The following CDH18 variants were observed in gnomAD, a reference collection of about 807,000 sequenced individuals.
The protein encoded by CDH18 is cadherin-18.
In CDH18, 31 loss-of-function variants were observed where a neutral mutation model predicts 67.9. The observed-to-expected ratio is 0.46, with a 90% CI of 0.34 to 0.62. The LOEUF (loss-of-function observed/expected upper bound fraction) is 0.62, where lower values mean the gene tolerates loss of function less well. Ranked by LOEUF, CDH18 falls within the 20% of genes least tolerant of loss-of-function variation. CDH18 has a pLI of 0.01. For missense variants in CDH18, 890 were observed against 975.5 expected (o/e 0.91, Z 1.17); for synonymous variants, 362 against 347.2 (o/e 1.04, Z -0.48).
chr5:20,045,574 A>AAC (rs202185810), intron 2 of CDH18, among the ~76,000 whole-genome samples: 11 of 148,490 alleles, frequency 7.4e-5, no homozygotes, highest in South Asian at 4.2e-4. Flanking sequence ...AAAAATAGAA[A>AAC]ACACATATAT....
intron 5 of CDH18, among the ~76,000 whole-genome samples, chr5:19,719,597 G>T (rs1363121689): frequency 6.6e-6 from 1 of 151,594 alleles, no homozygotes; most frequent in Non-Finnish European, 1.5e-5. Flanking sequence ...TAGATTACTA[G>T]ATTAATAAGC....
At chr5:20,373,167 T>G (rs1257670839) in intron 1 of CDH18, among the ~76,000 whole-genome samples, 1 of 152,222 alleles carries the variant, frequency 6.6e-6, no homozygotes, top group East Asian at 1.9e-4. Flanking sequence ...ATCTCTCCGA[T>G]GCCTAAAACA....
At chr5:19,512,617 G>T (rs1244189817) in intron 10 of CDH18, among the ~76,000 whole-genome samples, 1 of 151,986 alleles carries the variant, frequency 6.6e-6, no homozygotes, top group Admixed American at 6.6e-5. Context: ...TGTTTATATT[G>T]ACCTGATATT....
chr5:20,289,245 C>T (rs1746924708), intron 1 of CDH18, among the ~76,000 whole-genome samples: 1 of 151,912 alleles, frequency 6.6e-6, no homozygotes, highest in Admixed American at 6.6e-5. Flanking sequence ...TCAAAACATC[C>T]TTATTTCTGC....
chr5:19,744,516 ACAC>A (rs1233989006), intron 4 of CDH18, among the ~76,000 whole-genome samples: 3 of 151,598 alleles, frequency 2.0e-5, no homozygotes, highest in African/African-American at 7.3e-5. Flanking sequence ...ACACACACAC[ACAC>A]ACACACACAC....
rs116471739 is a variant in CDH18 at position 19,654,754 on chromosome 5, C to T, written c.644-42153G>A. Among the ~76,000 whole-genome samples, 769 of 152,170 alleles carry T rather than the reference C, an allele frequency of 5.1e-3. 3 individuals are homozygous for T. Among genetic ancestry groups the T allele is most frequent in the African/African-American group, 0.018 (736 of 41,510 alleles). ...CAGACAAACTGAAGGATGGTAAAGG[C>T]GGGGGATTTTATTCCCGGAGGGAGG... On this transcript the variant is annotated intron_variant, in intron 5 of 12. Transcript: ENST00000382275.
At chr5:19,646,730 T>C (rs1358393774) in intron 5 of CDH18, among the ~76,000 whole-genome samples, 1 of 152,206 alleles carries the variant, frequency 6.6e-6, no homozygotes, top group African/African-American at 2.4e-5. Flanking sequence ...TGAAAAATAC[T>C]GAAGTTTTCT....
chr5:20,377,607 G>C (rs1301982855), intron 1 of CDH18, among the ~76,000 whole-genome samples: 1 of 152,146 alleles, frequency 6.6e-6, no homozygotes, highest in East Asian at 1.9e-4. Context: ...GTTGAACACA[G>C]AGTAATTTTT....
At chr5:19,894,614 T>C (rs572241996) in intron 2 of CDH18, among the ~76,000 whole-genome samples, 6 of 152,260 alleles carry the variant, frequency 3.9e-5, no homozygotes, top group Non-Finnish European at 8.8e-5. Context: ...TCTATTATTA[T>C]AGAAAATTAA....
chr5:19,694,189 A>G (rs991889422), intron 5 of CDH18, among the ~76,000 whole-genome samples: 1 of 152,150 alleles, frequency 6.6e-6, no homozygotes, highest in African/African-American at 2.4e-5. Flanking sequence ...ATTTTTTTAT[A>G]TATGTATAAA....
intron 8 of CDH18, among the ~76,000 whole-genome samples, chr5:19,555,696 C>A (rs1451528114): frequency 6.6e-6 from 1 of 152,142 alleles, no homozygotes; most frequent in Non-Finnish European, 1.5e-5. Context: ...CCCTGGTAGC[C>A]CAGGACAAAG....
chr5:20,435,373 A>T (rs1187960387), intron 1 of CDH18, among the ~76,000 whole-genome samples: 3 of 152,064 alleles, frequency 2.0e-5, no homozygotes, highest in Non-Finnish European at 4.4e-5. Flanking sequence ...CTGCATGAAC[A>T]AAAGAGCTAA....
At chr5:20,214,612 A>G (rs1187553637) in intron 2 of CDH18, among the ~76,000 whole-genome samples, 2 of 152,078 alleles carry the variant, frequency 1.3e-5, no homozygotes, top group Non-Finnish European at 2.9e-5. Flanking sequence ...TAGTCAATAA[A>G]TGGTGCTAGG....
At chr5:20,083,277 A>G (rs995804436) in intron 2 of CDH18, among the ~76,000 whole-genome samples, 1 of 152,176 alleles carries the variant, frequency 6.6e-6, no homozygotes, top group Non-Finnish European at 1.5e-5. Context: ...AGTCAAGTGA[A>G]CTTAACTTGC....
intron 1 of CDH18, among the ~76,000 whole-genome samples, chr5:20,370,728 G>A (rs1258141740): frequency 6.6e-6 from 1 of 152,122 alleles, no homozygotes; most frequent in African/African-American, 2.4e-5. Flanking sequence ...TATGAGAGAA[G>A]AAAGTGTTAC....
chr5:20,286,764 G>A (rs1746725045), intron 1 of CDH18, among the ~76,000 whole-genome samples: 1 of 151,612 alleles, frequency 6.6e-6, no homozygotes, highest in African/African-American at 2.4e-5. Context: ...CTTCATCTAT[G>A]GTGACTAAGT....
chr5:19,833,958 A>T (rs2150004220), intron 3 of CDH18, among the ~76,000 whole-genome samples: 1 of 152,186 alleles, frequency 6.6e-6, no homozygotes, highest in East Asian at 1.9e-4. Flanking sequence ...GATGTTCATC[A>T]GGGATATCGG....
intron 1 of CDH18, among the ~76,000 whole-genome samples, chr5:20,544,751 C>T (rs1757248220): frequency 6.6e-6 from 1 of 152,172 alleles, no homozygotes; most frequent in Non-Finnish European, 1.5e-5. Context: ...GGTGGGGACA[C>T]AGAGGCAAAC....
In CDH18 at chr5:20,470,696, C is replaced by T. The variant is rs146024281; in HGVS notation, c.-580+104766G>A. On this transcript the variant is annotated intron_variant, in intron 1 of 14. Transcript: ENST00000507958. ...CAGGGCTTCCGTCTCTATGCAATAG[C>T]ATTGTGGAAGGAAAAGTCTCTCCTC... 2.2e-3 allele frequency among the ~76,000 whole-genome samples: 338 copies of T among 152,272 alleles called. 2 individuals carry two copies. Among genetic ancestry groups the T allele is most frequent in the African/African-American group, 8.0e-3 (332 of 41,560 alleles).
Sources: gnomAD v4.1 joint callset for allele counts (sites outside exome capture counted in the v4.1 genomes callset) on GRCh38, gnomAD v4.1.1 for gene constraint, MANE v1.5 for transcripts, NCBI Gene and HGNC (gene_info 2026-07-23, HGNC 2026-07-21) for gene names.